VWC2L: variants seen among roughly 807,000 people sequenced by gnomAD.
VWC2L encodes von Willebrand factor C domain-containing protein 2-like.
In VWC2L, 10 loss-of-function variants were observed where a neutral mutation model predicts 21.6. That is an observed-to-expected ratio of 0.46 (90% CI 0.29 to 0.78). VWC2L has a LOEUF of 0.78. Ranked by LOEUF, VWC2L falls within the 30% of genes least tolerant of loss-of-function variation. The pLI is 0.10. For missense variants in VWC2L, 209 were observed against 277.1 expected, an observed-to-expected ratio of 0.75 and a Z score of 1.74; for synonymous variants, 96 against 94.3, an observed-to-expected ratio of 1.02 and a Z score of -0.10.
intron 2 of VWC2L, 40 bp from the exon 3 acceptor site, chr2:214,436,589 G>A: frequency 6.2e-7 from 1 of 1,609,020 alleles, no homozygotes. Context: ...CAAGCATTAA[G>A]TTATAGGAGA....
At chr2:214,537,885 T>C (rs971272282) in intron 3 of VWC2L, among the ~76,000 whole-genome samples, 28 of 143,148 alleles carry the variant, frequency 2.0e-4, no homozygotes, top group Non-Finnish European at 3.2e-4. Flanking sequence ...GCAAATTGCT[T>C]CCAAAGGATA....
chr2:214,484,272 C>T (rs1688646147), intron 3 of VWC2L, among the ~76,000 whole-genome samples: 1 of 152,110 alleles, frequency 6.6e-6, no homozygotes, highest in African/African-American at 2.4e-5. Context: ...TGGGGGAGTA[C>T]AAGATTCAGT....
At chr2:214,544,376 C>T (rs1338413824) in intron 3 of VWC2L, among the ~76,000 whole-genome samples, 4 of 152,062 alleles carry the variant, frequency 2.6e-5, no homozygotes, top group Non-Finnish European at 4.4e-5. Context: ...AAGTAGTAGC[C>T]GGCCACTGAT....
At chr2:214,499,957 T>C (rs557312602) in intron 3 of VWC2L, among the ~76,000 whole-genome samples, 1 of 152,234 alleles carries the variant, frequency 6.6e-6, no homozygotes, top group South Asian at 2.1e-4. Context: ...GCTATTACGG[T>C]AGATAGGATA....
intron 3 of VWC2L, among the ~76,000 whole-genome samples, chr2:214,512,335 T>C (rs1689068875): frequency 6.6e-6 from 1 of 152,052 alleles, no homozygotes; most frequent in South Asian, 2.1e-4. Flanking sequence ...TGTTCACTTA[T>C]AAGTGGGAGC....
chr2:214,578,565 C>T lies in VWC2L; in HGVS notation c.*2745C>T, dbSNP rs1304118716. Reference sequence around the variant, plus strand: ...ATGAACCTATACTGTGACAATTTCTCATAAACTGATAAACATTTTACAACT... The same window carrying T: ...ATGAACCTATACTGTGACAATTTCTTATAAACTGATAAACATTTTACAACT... On this transcript the variant is annotated 3_prime_UTR_variant, in exon 4 of 4. Coordinates refer to ENST00000312504, the MANE Select transcript of VWC2L (RefSeq NM_001080500.4). 2 of 152,172 alleles carry T rather than the reference C, an allele frequency of 1.3e-5. No individual in the cohort carries two copies. The highest frequency in any genetic ancestry group is 2.9e-5 in the Non-Finnish European group (2 of 68,042). The allele number at this position is 152,172 out of a possible 1,614,324, so 9.4% of individuals were successfully genotyped here.
At chr2:214,564,108 C>T (rs1224817641) in intron 3 of VWC2L, among the ~76,000 whole-genome samples, 2 of 152,066 alleles carry the variant, frequency 1.3e-5, no homozygotes, top group Non-Finnish European at 2.9e-5. Context: ...ATACAGCTAA[C>T]AAGGGAAGTG....
chr2:214,566,425 T>C (rs1401950124), intron 3 of VWC2L, among the ~76,000 whole-genome samples: 2 of 152,278 alleles, frequency 1.3e-5, no homozygotes, highest in East Asian at 1.9e-4. Context: ...AAATCTTACA[T>C]ACTTAAGGGC....
chr2:214,436,486 G>T, intron 2 of VWC2L, 143 bp from the exon 3 acceptor site: 1 of 1,106,028 alleles, frequency 9.0e-7, no homozygotes, highest in Non-Finnish European at 1.3e-6. Context: ...TTCCACCAAG[G>T]GAGAATGATC....
At chr2:214,426,431 G>C (rs1702525557) in intron 2 of VWC2L, among the ~76,000 whole-genome samples, 1 of 152,170 alleles carries the variant, frequency 6.6e-6, no homozygotes, top group Non-Finnish European at 1.5e-5. Flanking sequence ...TTGGGTCAAA[G>C]TCTGAACTGA....
chr2:214,516,348 A>AAC (rs1244519748), intron 3 of VWC2L, among the ~76,000 whole-genome samples: 1 of 152,092 alleles, frequency 6.6e-6, no homozygotes, highest in Non-Finnish European at 1.5e-5. Context: ...ATCAATGCTC[A>AAC]GTTGTTTCCA....
At chr2:214,425,322 T>C (rs1266000069) in intron 2 of VWC2L, among the ~76,000 whole-genome samples, 1 of 152,194 alleles carries the variant, frequency 6.6e-6, no homozygotes, top group Non-Finnish European at 1.5e-5. Flanking sequence ...AGGGATCTCT[T>C]TTCACACAAG....
intron 3 of VWC2L, among the ~76,000 whole-genome samples, chr2:214,480,634 A>C (rs917716641): frequency 6.6e-6 from 1 of 152,102 alleles, no homozygotes; most frequent in Admixed American, 6.6e-5. Flanking sequence ...TCCACTAGAC[A>C]TGGTTTTCAT....
chr2:214,473,226 A>C (rs1703336276), intron 3 of VWC2L, among the ~76,000 whole-genome samples: 1 of 152,210 alleles, frequency 6.6e-6, no homozygotes. Flanking sequence ...GGTGATCATA[A>C]TGATAATCAT....
At chr2:214,568,082 C>T (rs970085336) in intron 3 of VWC2L, among the ~76,000 whole-genome samples, 7 of 152,298 alleles carry the variant, frequency 4.6e-5, no homozygotes, top group African/African-American at 1.7e-4. Flanking sequence ...AATTTAAACT[C>T]TCTTATTGTT....
At chr2:214,493,480 T>C (rs1338874416) in intron 3 of VWC2L, among the ~76,000 whole-genome samples, 1 of 152,194 alleles carries the variant, frequency 6.6e-6, no homozygotes, top group Non-Finnish European at 1.5e-5. Flanking sequence ...TGTCCTTCCA[T>C]CCTTTGGTGC....
chr2:214,560,645 A>T (rs997617632), intron 3 of VWC2L, among the ~76,000 whole-genome samples: 1 of 152,132 alleles, frequency 6.6e-6, no homozygotes, highest in Non-Finnish European at 1.5e-5. Context: ...GAGTAACACT[A>T]TTTTTTTAAC....
intron 3 of VWC2L, among the ~76,000 whole-genome samples, chr2:214,526,702 C>G (rs901855261): frequency 1.3e-5 from 2 of 152,170 alleles, no homozygotes; most frequent in African/African-American, 4.8e-5. Context: ...AGCCAGCTTG[C>G]GCCCTTGCTT....
chr2:214,528,486 C>T (rs1689378449), intron 3 of VWC2L, among the ~76,000 whole-genome samples: 2 of 152,066 alleles, frequency 1.3e-5, no homozygotes, highest in South Asian at 2.1e-4. Context: ...GTAATATCCT[C>T]TTAACTTTTC....
Sources: gnomAD v4.1 joint callset for allele counts (sites outside exome capture counted in the v4.1 genomes callset) on GRCh38, gnomAD v4.1.1 for gene constraint, MANE v1.5 for transcripts, NCBI Gene and HGNC (gene_info 2026-07-23, HGNC 2026-07-21) for gene names.